USO1: variants seen among roughly 807,000 people sequenced by gnomAD.
USO1 encodes general vesicular transport factor p115.
In USO1, 57 loss-of-function variants were observed where a neutral mutation model predicts 124.5. The ratio of observed to expected loss-of-function variants is 0.46; its 90% CI spans 0.37 to 0.57. USO1 has a LOEUF of 0.57. Ranked by LOEUF, USO1 falls within the 20% of genes least tolerant of loss-of-function variation. The probability of loss-of-function intolerance (pLI) is 0.00; values close to 1 mark genes in which losing one functional copy is unlikely to be tolerated. For missense variants in USO1, 900 were observed against 1,040.6 expected (o/e 0.86, Z 1.86); for synonymous variants, 369 against 362.8 (o/e 1.02, Z -0.19).
chr4:75,724,874 G>C lies in USO1; in HGVS notation c.55G>C (p.Glu19Gln), dbSNP rs1313562228. 6.8e-6 allele frequency: 11 copies of C among 1,613,564 alleles called. No individual in the cohort carries two copies. Among genetic ancestry groups the C allele is most frequent in the South Asian group, 4.4e-5 (4 of 91,084 alleles). The change falls in exon 1 of 24, where the codon GAA becomes CAA. Residue 19 changes from glutamate (E) to glutamine (Q), a missense_variant. Physicochemically the swap from Glu to Gln is conservative, Grantham distance 29 (BLOSUM62 2). Transcript: ENST00000514213. ...TCAGAGTGCCGGACCCCAGCACACA[G>C]AAGCCGAGACGGTGAGAGGAGCAGC... ...GGQSAGPQHT[E>Q]AETIQKLCDR...
chr4:75,769,333 G>A (rs1721856801), intron 4 of USO1, among the ~76,000 whole-genome samples: 1 of 152,100 alleles, frequency 6.6e-6, no homozygotes, highest in Admixed American at 6.5e-5. Context: ...AGTTTCTGAA[G>A]GATAAACCCA....
intron 10 of USO1, among the ~76,000 whole-genome samples, chr4:75,789,474 C>T (rs145689239): frequency 0.026 from 3,898 of 152,176 alleles, 89 homozygotes; most frequent in Middle Eastern, 0.11. Flanking sequence ...AGGGTTTCAC[C>T]ATGTTGGTCA....
intron 8 of USO1, among the ~76,000 whole-genome samples, chr4:75,775,396 G>A (rs542454106): frequency 6.6e-6 from 1 of 152,208 alleles, no homozygotes; most frequent in African/African-American, 2.4e-5. Context: ...AAAATTAGCT[G>A]GGCGTGGTGG....
chr4:75,768,210 C>T (rs959234640), intron 4 of USO1, among the ~76,000 whole-genome samples: 1 of 152,082 alleles, frequency 6.6e-6, no homozygotes, highest in African/African-American at 2.4e-5. Context: ...GAGACAAGTT[C>T]TCACTATGTT....
intron 1 of USO1, among the ~76,000 whole-genome samples, chr4:75,732,149 G>A (rs533213292): frequency 5.9e-5 from 9 of 151,338 alleles, no homozygotes; most frequent in Non-Finnish European, 1.0e-4. Flanking sequence ...CTTAACTCTC[G>A]CCCCCTCTCC....
intron 1 of USO1, among the ~76,000 whole-genome samples, chr4:75,744,605 A>G (rs1012470189): frequency 4.6e-5 from 7 of 152,146 alleles, no homozygotes; most frequent in African/African-American, 1.7e-4. Flanking sequence ...TTTTTAGTAG[A>G]GACAAGGTTT....
intron 21 of USO1, 26 bp from the exon 22 acceptor site, chr4:75,810,406 T>C: frequency 6.3e-7 from 1 of 1,585,258 alleles, no homozygotes. Context: ...TTAAGAGACA[T>C]CTTTTTTTCC....
At chr4:75,754,079 G>A (rs549264244) in intron 3 of USO1, among the ~76,000 whole-genome samples, 43 of 141,334 alleles carry the variant, frequency 3.0e-4, no homozygotes, top group African/African-American at 9.4e-4. Context: ...GAGCCACCGC[G>A]CCCAGCCTTT....
rs199944483 is a variant in USO1 at position 75,803,527 on chromosome 4, G to A, written c.1987-607G>A. Among the ~76,000 whole-genome samples the A allele has an allele frequency of 1.1e-4, 17 of 151,580 alleles. No individual in the cohort carries two copies. In the East Asian group the frequency reaches 2.5e-3, roughly 23 times the overall value. On this transcript the variant is annotated intron_variant, in intron 17 of 23. Transcript: ENST00000514213. ...TAGCTGGGCATGGCAGCGGGCGCCT[G>A]TAATCCCAGCTACTCAGGAGGCTGA...
intron 12 of USO1, among the ~76,000 whole-genome samples, chr4:75,791,038 C>CT (rs1182269336): frequency 6.6e-6 from 1 of 152,104 alleles, no homozygotes; most frequent in Non-Finnish European, 1.5e-5. Flanking sequence ...TGCCGTATAA[C>CT]TTTTTAACTT....
intron 1 of USO1, among the ~76,000 whole-genome samples, chr4:75,735,009 A>G (rs965602223): frequency 1.3e-5 from 2 of 152,070 alleles, no homozygotes; most frequent in Admixed American, 6.5e-5. Context: ...GATTACAGAC[A>G]TGAGCCACCA....
In USO1 at chr4:75,813,191, G is replaced by A. The variant is rs1471307468; in HGVS notation, c.2800-15G>A. On this transcript the variant is annotated splice_polypyrimidine_tract_variant and intron_variant, in intron 23 of 23. Coordinates refer to ENST00000514213, the MANE Select transcript of USO1 (RefSeq NM_003715.4). ...AACAGATTTTCACAATATTAAATAC[G>A]TCTTTTTCCTCTAGGTTGAAGAAGA... The A allele has an allele frequency of 6.3e-6, 10 of 1,597,722 alleles. No homozygotes were observed. Among genetic ancestry groups the A allele is most frequent in the Non-Finnish European group, 8.5e-6 (10 of 1,175,340 alleles).
At chr4:75,760,752 G>T (rs912862310) in intron 4 of USO1, 1 of 386,810 alleles carries the variant, frequency 2.6e-6, no homozygotes, top group African/African-American at 2.1e-5. Context: ...AATTGAAGAG[G>T]AATATTTTAA....
chr4:75,799,755 G>A (rs745373760), intron 14 of USO1, 23 bp downstream of exon 14: 10 of 1,609,440 alleles, frequency 6.2e-6, no homozygotes, highest in Middle Eastern at 1.7e-4. Context: ...TTTTAGTAAC[G>A]TACATGTAAG....
intron 4 of USO1, among the ~76,000 whole-genome samples, chr4:75,758,240 G>A (rs755376203): frequency 4.6e-5 from 7 of 152,036 alleles, no homozygotes; most frequent in Non-Finnish European, 5.9e-5. Flanking sequence ...CAAAACATTC[G>A]CAGTAACATT....
intron 1 of USO1, among the ~76,000 whole-genome samples, chr4:75,737,731 C>G (rs986514169): frequency 6.6e-6 from 1 of 152,066 alleles, no homozygotes; most frequent in African/African-American, 2.4e-5. Flanking sequence ...ACATAGAAAT[C>G]TGGATTTTTA....
At chr4:75,746,239 C>T (rs1721123477) in intron 1 of USO1, among the ~76,000 whole-genome samples, 3 of 152,160 alleles carry the variant, frequency 2.0e-5, no homozygotes, top group Admixed American at 2.0e-4. Flanking sequence ...CCTTTAGGGA[C>T]GTGAACTTAA....
intron 1 of USO1, among the ~76,000 whole-genome samples, chr4:75,731,465 G>A (rs1360242642): frequency 3.3e-5 from 5 of 151,836 alleles, no homozygotes; most frequent in Non-Finnish European, 7.4e-5. Flanking sequence ...GGGAGGCTGA[G>A]GCAGGAGAAT....
At chr4:75,782,898 C>T (rs1485171194) in intron 9 of USO1, 40 bp downstream of exon 9, 3 of 1,519,584 alleles carry the variant, frequency 2.0e-6, no homozygotes, top group Non-Finnish European at 2.6e-6. Context: ...AGAATTTTGA[C>T]AGTGATCTTT....
Sources: gnomAD v4.1 joint callset for allele counts (sites outside exome capture counted in the v4.1 genomes callset) on GRCh38, gnomAD v4.1.1 for gene constraint, MANE v1.5 for transcripts, NCBI Gene and HGNC (gene_info 2026-07-23, HGNC 2026-07-21) for gene names.